The following MB21D2 variants were observed in gnomAD, a reference collection of about 807,000 sequenced individuals.
MB21D2 encodes the protein nucleotidyltransferase MB21D2.
In MB21D2, 9 loss-of-function variants were observed where a neutral mutation model predicts 33.3. The observed-to-expected ratio is 0.27, with a 90% confidence interval of 0.16 to 0.47. The LOEUF (loss-of-function observed/expected upper bound fraction) is 0.47, where lower values mean the gene tolerates loss of function less well. Among genes scored for constraint, MB21D2 ranks in the 20% least tolerant of loss-of-function variants. The pLI is 0.99. For missense variants in MB21D2, 540 were observed against 624.6 expected (o/e 0.86, Z 1.44); for synonymous variants, 241 against 236.3 (o/e 1.02, Z -0.18).
At chr3:192,825,778 GT>G (rs1329154505) in intron 1 of MB21D2, among the ~76,000 whole-genome samples, 1 of 152,176 alleles carries the variant, frequency 6.6e-6, no homozygotes, top group Non-Finnish European at 1.5e-5. Context: ...CCAACAGAAG[GT>G]AGAGGAAATG....
chr3:192,845,525 T>TCA, intron 1 of MB21D2, among the ~76,000 whole-genome samples: 1 of 152,064 alleles, frequency 6.6e-6, no homozygotes, highest in African/African-American at 2.4e-5. Context: ...GACCGAAGAG[T>TCA]CACAAAGGTG....
At chr3:192,857,229 T>C (rs1712936952) in intron 1 of MB21D2, among the ~76,000 whole-genome samples, 1 of 152,230 alleles carries the variant, frequency 6.6e-6, no homozygotes, top group South Asian at 2.1e-4. Flanking sequence ...AATTGAAGGC[T>C]CAAATTGAAC....
intron 1 of MB21D2, among the ~76,000 whole-genome samples, chr3:192,849,245 C>A (rs1712735321): frequency 6.8e-6 from 1 of 146,138 alleles, no homozygotes; most frequent in Non-Finnish European, 1.5e-5. Context: ...TACTGTGAGA[C>A]TCTTCCTCCA....
intron 1 of MB21D2, among the ~76,000 whole-genome samples, chr3:192,856,811 C>T (rs191594194): frequency 7.2e-5 from 11 of 152,224 alleles, no homozygotes; most frequent in Admixed American, 1.3e-4. Context: ...TTTGGGCCTC[C>T]GAAAGTGTTG....
At chr3:192,818,422 C>G (rs1404839297) in intron 1 of MB21D2, among the ~76,000 whole-genome samples, 1 of 147,684 alleles carries the variant, frequency 6.8e-6, no homozygotes. Context: ...ATATTTTGTA[C>G]AATCAAGAAC....
At chr3:192,905,501 G>A (rs1221717772) in intron 1 of MB21D2, among the ~76,000 whole-genome samples, 1 of 151,842 alleles carries the variant, frequency 6.6e-6, no homozygotes, top group Non-Finnish European at 1.5e-5. Flanking sequence ...GCCAGGGGTG[G>A]TGTCAGGCGC....
chr3:192,908,712 C>T (rs943620522), intron 1 of MB21D2, among the ~76,000 whole-genome samples: 2 of 151,774 alleles, frequency 1.3e-5, no homozygotes, highest in African/African-American at 2.4e-5. Context: ...GCCACCACGC[C>T]GGGCCAAATT....
chr3:192,915,187 C>A (rs116009984), intron 1 of MB21D2, among the ~76,000 whole-genome samples: 1,962 of 152,182 alleles, frequency 0.013, 43 homozygotes, highest in African/African-American at 0.045. Flanking sequence ...TCCACCCCCC[C>A]GCCCTGAAAT....
intron 1 of MB21D2, among the ~76,000 whole-genome samples, chr3:192,821,733 A>C (rs1191617790): frequency 6.6e-6 from 1 of 152,214 alleles, no homozygotes; most frequent in Non-Finnish European, 1.5e-5. Context: ...GCCCTGCCAC[A>C]GTGGGAGTTG....
chr3:192,838,428 CTTTTT>C (rs55769534), intron 1 of MB21D2, among the ~76,000 whole-genome samples: 1 of 124,166 alleles, frequency 8.1e-6, no homozygotes, highest in Non-Finnish European at 1.7e-5. Context: ...AATCTGTGGA[CTTTTT>C]TTTTTTTTTT....
At chr3:192,860,150 G>GC (rs920957196) in intron 1 of MB21D2, among the ~76,000 whole-genome samples, 5 of 152,142 alleles carry the variant, frequency 3.3e-5, no homozygotes, top group African/African-American at 1.2e-4. Flanking sequence ...TCCAAACTGT[G>GC]CCCCACATGG....
At chr3:192,867,952 T>C (rs1560244190) in intron 1 of MB21D2, among the ~76,000 whole-genome samples, 2 of 151,752 alleles carry the variant, frequency 1.3e-5, no homozygotes, top group South Asian at 2.1e-4. Context: ...GGAAGGAAGA[T>C]TGGAATGAGG....
intron 1 of MB21D2, among the ~76,000 whole-genome samples, chr3:192,834,312 A>T (rs1712383814): frequency 6.6e-6 from 1 of 150,642 alleles, no homozygotes; most frequent in African/African-American, 2.4e-5. Flanking sequence ...GCGAGACTGC[A>T]TCTCAAAAAA....
chr3:192,842,983 T>A (rs1712607288), intron 1 of MB21D2, among the ~76,000 whole-genome samples: 1 of 152,162 alleles, frequency 6.6e-6, no homozygotes, highest in Non-Finnish European at 1.5e-5. Flanking sequence ...GCCCTTGGGG[T>A]GAAAAGAGCA....
At chr3:192,888,490 AG>A (rs1392216988) in intron 1 of MB21D2, among the ~76,000 whole-genome samples, 1 of 152,132 alleles carries the variant, frequency 6.6e-6, no homozygotes, top group East Asian at 1.9e-4. Flanking sequence ...TTCTACCCAT[AG>A]AAAATCTTAT....
At chr3:192,897,491 C>A (rs1714004800) in intron 1 of MB21D2, among the ~76,000 whole-genome samples, 1 of 152,104 alleles carries the variant, frequency 6.6e-6, no homozygotes, top group Admixed American at 6.5e-5. Context: ...TGTGGCACAT[C>A]TAGAGGAGGC....
chr3:192,866,934 A>T (rs1713180374), intron 1 of MB21D2, among the ~76,000 whole-genome samples: 1 of 152,136 alleles, frequency 6.6e-6, no homozygotes, highest in Non-Finnish European at 1.5e-5. Context: ...AAAGAATGTA[A>T]ATTTTCCTTC....
At chr3:192,848,936 C>A (rs927738967) in intron 1 of MB21D2, among the ~76,000 whole-genome samples, 2 of 152,148 alleles carry the variant, frequency 1.3e-5, no homozygotes, top group African/African-American at 4.8e-5. Flanking sequence ...ATTCAGAGGG[C>A]CCCTGGGAAC....
intron 1 of MB21D2, among the ~76,000 whole-genome samples, chr3:192,884,447 A>G (rs1470464185): frequency 6.6e-6 from 1 of 151,768 alleles, no homozygotes; most frequent in Non-Finnish European, 1.5e-5. Context: ...GCTCACTGCA[A>G]GCTCCGCCTC....
Sources: gnomAD v4.1 joint callset for allele counts (sites outside exome capture counted in the v4.1 genomes callset) on GRCh38, gnomAD v4.1.1 for gene constraint, MANE v1.5 for transcripts, NCBI Gene and HGNC (gene_info 2026-07-23, HGNC 2026-07-21) for gene names.